The following PDE4B variants were observed in gnomAD, a reference collection of about 807,000 sequenced individuals.
PDE4B encodes 3',5'-cyclic-AMP phosphodiesterase 4B.
A neutral mutation model predicts 82.2 loss-of-function variants in PDE4B; 20 were observed. The ratio of observed to expected loss-of-function variants is 0.24; its 90% CI spans 0.17 to 0.35. PDE4B has a LOEUF of 0.35. Among genes scored for constraint, PDE4B ranks in the 10% least tolerant of loss-of-function variants. The pLI, the probability that PDE4B is intolerant of heterozygous loss-of-function variation, is 1.00. For missense variants in PDE4B, 655 were observed against 907.2 expected, an observed-to-expected ratio of 0.72 and a Z score of 3.57; for synonymous variants, 320 against 318.9, an observed-to-expected ratio of 1.00 and a Z score of -0.04.
rs1180203127 is a variant in PDE4B at position 65,981,049 on chromosome 1, A to G, written c.281+62214A>G. Among the ~76,000 whole-genome samples the G allele has an allele frequency of 2.6e-5, 4 of 152,296 alleles. No individual in the cohort carries two copies. The South Asian group carries it at 8.3e-4, about 32-fold the overall frequency. Reference sequence around the variant, plus strand: ...AACACTATTTGTAGCAATAGTAGCCATGAGAATTAAGTATCTGACCTGGGA... The same window carrying G: ...AACACTATTTGTAGCAATAGTAGCCGTGAGAATTAAGTATCTGACCTGGGA... On this transcript the variant is annotated intron_variant, in intron 3 of 16. Coordinates refer to ENST00000341517, the MANE Select transcript of PDE4B (RefSeq NM_002600.4).
At chr1:65,847,494 A>T (rs1183291332) in intron 1 of PDE4B, among the ~76,000 whole-genome samples, 1 of 152,198 alleles carries the variant, frequency 6.6e-6, no homozygotes, top group East Asian at 1.9e-4. Flanking sequence ...ATTTAATACA[A>T]GTTGATGGGG....
intron 1 of PDE4B, among the ~76,000 whole-genome samples, chr1:65,839,343 A>G (rs901095144): frequency 6.6e-6 from 1 of 151,846 alleles, no homozygotes; most frequent in Non-Finnish European, 1.5e-5. Context: ...ATAGGTATAC[A>G]TGTGCCATGG....
At chr1:65,946,997 G>A (rs541437517) in intron 3 of PDE4B, among the ~76,000 whole-genome samples, 88 of 152,060 alleles carry the variant, frequency 5.8e-4, no homozygotes, top group African/African-American at 2.0e-3. Context: ...TTACCTATGG[G>A]GCAGCCTCTT....
intron 3 of PDE4B, among the ~76,000 whole-genome samples, chr1:66,126,417 A>C (rs1645824888): frequency 6.6e-6 from 1 of 152,182 alleles, no homozygotes; most frequent in South Asian, 2.1e-4. Flanking sequence ...GTACCCCCCT[A>C]CACATTTTTA....
chr1:66,174,612 C>T (rs1646897683), intron 3 of PDE4B, among the ~76,000 whole-genome samples: 1 of 151,944 alleles, frequency 6.6e-6, no homozygotes, highest in Non-Finnish European at 1.5e-5. Context: ...AAAAATTAGC[C>T]AGGCGTGGTG....
intron 1 of PDE4B, among the ~76,000 whole-genome samples, chr1:65,796,725 C>T (rs1346640994): frequency 7.0e-6 from 1 of 142,912 alleles, no homozygotes; most frequent in Non-Finnish European, 1.5e-5. Context: ...TCTTGGCTCT[C>T]TGCAAACTCT....
intron 4 of PDE4B, among the ~76,000 whole-genome samples, chr1:66,253,223 A>T (rs1196505153): frequency 6.6e-6 from 1 of 151,202 alleles, no homozygotes; most frequent in Non-Finnish European, 1.5e-5. Flanking sequence ...CTTTGGCTCC[A>T]AAATCTGTGC....
At position 65,885,396 on chromosome 1, in the gene PDE4B, A is replaced by G. The variant is rs1379052063; in HGVS notation, c.-70-27849A>G. Among the ~76,000 whole-genome samples, 6 of 152,188 alleles carry G rather than the reference A, an allele frequency of 3.9e-5. No individual in the cohort carries two copies. The South Asian group carries it at 1.2e-3, about 32-fold the overall frequency. On this transcript the variant is annotated intron_variant, in intron 1 of 16. Coordinates refer to ENST00000341517, the MANE Select transcript of PDE4B (RefSeq NM_002600.4). ...AAAGGATTATAAATCATGCTGCTATAAAGACACATGCACACGTATGTTTTT... is the reference window on the plus strand; with the variant it reads ...AAAGGATTATAAATCATGCTGCTATGAAGACACATGCACACGTATGTTTTT...
In PDE4B at chr1:66,272,687, G is replaced by A. The variant is rs1328084086; in HGVS notation, c.634+6600G>A. Among the ~76,000 whole-genome samples the A allele has an allele frequency of 2.7e-5, 4 of 148,100 alleles. No homozygotes were observed. The East Asian group carries it at 7.9e-4, about 29-fold the overall frequency. On this transcript the variant is annotated intron_variant, in intron 7 of 16. Transcript: ENST00000341517. ...CCTTTGTTTATTGTTCCATCATCCT[G>A]TACCTAAAGCATTGTGGTGGTCCTC...
intron 3 of PDE4B, among the ~76,000 whole-genome samples, chr1:66,069,922 A>G (rs1656064459): frequency 6.6e-6 from 1 of 152,024 alleles, no homozygotes; most frequent in Non-Finnish European, 1.5e-5. Flanking sequence ...TTCTTTGTGT[A>G]AAGCTCTGTT....
chr1:65,992,621 G>T, intron 3 of PDE4B: 1 of 557,378 alleles, frequency 1.8e-6, no homozygotes, highest in Non-Finnish European at 2.5e-6. Context: ...GTGTCAGTGT[G>T]TAGCTTGCAG....
At chr1:66,263,491 A>G (rs1654828968) in intron 6 of PDE4B, among the ~76,000 whole-genome samples, 1 of 152,350 alleles carries the variant, frequency 6.6e-6, no homozygotes, top group Non-Finnish European at 1.5e-5. Context: ...TCACTTTCAC[A>G]TCAGTGGGTT....
chr1:66,266,142 C>T lies in PDE4B; in HGVS notation c.634+55C>T, dbSNP rs769931457. On this transcript the variant is annotated intron_variant, in intron 7 of 16. Transcript: ENST00000341517. Reference sequence around the variant, plus strand: ...GTTTCAAGATAGAATAATAAACATGCCTCTTATTCAGAACTGTTTTTTAGA... The same window carrying T: ...GTTTCAAGATAGAATAATAAACATGTCTCTTATTCAGAACTGTTTTTTAGA... 14 of 1,289,724 alleles carry T rather than the reference C, an allele frequency of 1.1e-5. No homozygotes were observed. The East Asian group carries it at 2.1e-4, about 19-fold the overall frequency. The allele number at this position is 1,289,724 out of a possible 1,614,324, so 79.9% of individuals were successfully genotyped here. A position where few individuals can be genotyped will look rare whatever the true frequency, so the allele number is the denominator to read the frequency against.
chr1:66,321,331 G>T (rs1659389374), intron 7 of PDE4B, among the ~76,000 whole-genome samples: 1 of 152,120 alleles, frequency 6.6e-6, no homozygotes, highest in Non-Finnish European at 1.5e-5. Flanking sequence ...AGGCCATGTG[G>T]TTCTAACTTA....
chr1:66,081,822 C>CTGTGTG (rs760161239), intron 3 of PDE4B, among the ~76,000 whole-genome samples: 1 of 128,168 alleles, frequency 7.8e-6, no homozygotes, highest in Non-Finnish European at 1.6e-5. Context: ...CTCTCTCTCT[C>CTGTGTG]TCTCTCTCTC....
intron 3 of PDE4B, among the ~76,000 whole-genome samples, chr1:65,952,852 G>C (rs913398933): frequency 6.6e-6 from 1 of 152,102 alleles, no homozygotes; most frequent in Admixed American, 6.6e-5. Flanking sequence ...AATTAAGTGA[G>C]TTGGTGAATG....
chr1:65,819,263 T>C (rs1032547314), intron 1 of PDE4B, among the ~76,000 whole-genome samples: 1 of 152,132 alleles, frequency 6.6e-6, no homozygotes, highest in African/African-American at 2.4e-5. Context: ...TAATCTATCA[T>C]AGATAACCCA....
At chr1:66,061,061 T>G (rs2100896387) in intron 3 of PDE4B, among the ~76,000 whole-genome samples, 1 of 151,884 alleles carries the variant, frequency 6.6e-6, no homozygotes, top group East Asian at 1.9e-4. Flanking sequence ...TTTGTCCTTT[T>G]TCAGGGAATC....
intron 3 of PDE4B, among the ~76,000 whole-genome samples, chr1:66,153,464 G>T (rs1646442789): frequency 6.6e-6 from 1 of 152,144 alleles, no homozygotes; most frequent in South Asian, 2.1e-4. Context: ...TAACCTGAGG[G>T]GGGTCAAGAA....
Sources: gnomAD v4.1 joint callset for allele counts (sites outside exome capture counted in the v4.1 genomes callset) on GRCh38, gnomAD v4.1.1 for gene constraint, MANE v1.5 for transcripts, NCBI Gene and HGNC (gene_info 2026-07-23, HGNC 2026-07-21) for gene names.